Variants in FAP observed in about 807,000 individuals in gnomAD.
FAP encodes the protein fibroblast activation protein alpha, also known as prolyl endopeptidase FAP.
FAP carries 110 observed loss-of-function variants against 126.5 expected under a neutral mutation model. That is an observed-to-expected ratio of 0.87 (90% CI 0.74 to 1.02). FAP has a LOEUF of 1.02. Among genes scored for constraint, FAP ranks in the 50% least tolerant of loss-of-function variants. The probability of loss-of-function intolerance (pLI) is 0.00; values close to 1 mark genes in which losing one functional copy is unlikely to be tolerated. For missense variants in FAP, 919 were observed against 909.2 expected (o/e 1.01, Z -0.14); for synonymous variants, 334 against 297.3 (o/e 1.12, Z -1.27).
chr2:162,215,288 G>C (rs1689119412), intron 10 of FAP, among the ~76,000 whole-genome samples: 1 of 152,124 alleles, frequency 6.6e-6, no homozygotes, highest in Admixed American at 6.5e-5. Flanking sequence ...CAACAGGCAG[G>C]GCCTGGGCAC....
Position 162,173,705 on chromosome 2 carries a change from T to C in FAP, c.2034+18A>G. The C allele has an allele frequency of 6.6e-7, 1 of 1,521,616 alleles. No individual in the cohort carries two copies. The highest frequency in any genetic ancestry group is 1.4e-5 in the African/African-American group (1 of 73,082). The allele number at this position is 1,521,616 out of a possible 1,614,324, so 94.3% of individuals were successfully genotyped here. On this transcript the variant is annotated intron_variant, in intron 23 of 25. Transcript: ENST00000188790. ...ATTAGAAATTAATTATTAACCTAAA[T>C]AAAATGGAAACACTTACCTTATAGT...
chr2:162,175,869 A>G (rs1417328233), intron 21 of FAP: 1 of 152,130 alleles, frequency 6.6e-6, no homozygotes, highest in Non-Finnish European at 1.5e-5. Flanking sequence ...ATGCTGTGAG[A>G]GAGGTGCTTC....
chr2:162,239,307 G>GA (rs1394232190), intron 2 of FAP, among the ~76,000 whole-genome samples: 1 of 151,896 alleles, frequency 6.6e-6, no homozygotes, highest in Non-Finnish European at 1.5e-5. Flanking sequence ...GACGTTCTGG[G>GA]ATTACAGCCA....
intron 3 of FAP, among the ~76,000 whole-genome samples, chr2:162,225,967 A>G (rs1004566183): frequency 7.2e-5 from 11 of 152,182 alleles, no homozygotes; most frequent in African/African-American, 2.7e-4. Context: ...TTATTTTCTA[A>G]AGAGAAAAAA....
intron 2 of FAP, among the ~76,000 whole-genome samples, chr2:162,237,620 G>A (rs1690191289): frequency 6.6e-6 from 1 of 152,174 alleles, no homozygotes; most frequent in South Asian, 2.1e-4. Context: ...ATTTGGGTTG[G>A]TTCCAAGTTT....
intron 12 of FAP, among the ~76,000 whole-genome samples, chr2:162,209,128 CT>C (rs1178866700): frequency 2.0e-5 from 3 of 151,598 alleles, no homozygotes; most frequent in Non-Finnish European, 4.4e-5. Context: ...CGATTTCTGA[CT>C]TTTTTTTGTC....
At position 162,224,718 on chromosome 2, in the gene FAP, A is replaced by G. The variant is rs116451391; in HGVS notation, c.286-178T>C. Among the ~76,000 whole-genome samples, 932 of 152,282 alleles carry G rather than the reference A, an allele frequency of 6.1e-3. 8 individuals are homozygous for G. Among genetic ancestry groups the G allele is most frequent in the African/African-American group, 0.021 (878 of 41,568 alleles). On this transcript the variant is annotated intron_variant, in intron 4 of 25. Coordinates refer to ENST00000188790, the MANE Select transcript of FAP (RefSeq NM_004460.5). ...AATTCAAAGAAATTTACTAGATACT[A>G]TGGGAGAAGGATGCAAGAGATAATA...
At chr2:162,190,395 TACAC>T (rs561098256) in intron 17 of FAP, among the ~76,000 whole-genome samples, 4 of 150,296 alleles carry the variant, frequency 2.7e-5, no homozygotes, top group African/African-American at 9.7e-5. Context: ...ATATTGTGTA[TACAC>T]ACACACACAC....
In FAP at chr2:162,175,091, A is replaced by G. The variant is rs558420262; in HGVS notation, c.1870-125T>C. On this transcript the variant is annotated intron_variant, in intron 21 of 25. Coordinates refer to ENST00000188790, the MANE Select transcript of FAP (RefSeq NM_004460.5). Reference sequence around the variant, plus strand: ...TGGAGAATATGGCTAAGGGTGGATTACATGTCTATCTTGCATCCTCGGCAG... The same window carrying G: ...TGGAGAATATGGCTAAGGGTGGATTGCATGTCTATCTTGCATCCTCGGCAG... 2.8e-4 allele frequency: 174 copies of G among 626,416 alleles called. 2 individuals are homozygous for G. In the South Asian group the frequency reaches 3.3e-3, roughly 12 times the overall value. 38.8% of individuals were successfully genotyped at this position (626,416 alleles called of 1,614,324 possible).
At chr2:162,214,403 G>T (rs556321550) in intron 10 of FAP, among the ~76,000 whole-genome samples, 6 of 151,926 alleles carry the variant, frequency 3.9e-5, no homozygotes, top group Non-Finnish European at 8.8e-5. Context: ...CATTAAACTT[G>T]CATTTTGCAC....
chr2:162,219,580 A>G (rs1448477170), intron 7 of FAP, among the ~76,000 whole-genome samples: 1 of 152,044 alleles, frequency 6.6e-6, no homozygotes, highest in Non-Finnish European at 1.5e-5. Flanking sequence ...TGAAAACCAT[A>G]TTTTTCCTGA....
intron 21 of FAP, among the ~76,000 whole-genome samples, chr2:162,179,790 C>CTA (rs10657426): frequency 2.2e-3 from 255 of 115,490 alleles, no homozygotes; most frequent in African/African-American, 4.8e-3. Context: ...ATCTATCTAT[C>CTA]TATATATATA....
chr2:162,219,374 C>CTGAA (rs1409371267), intron 7 of FAP, among the ~76,000 whole-genome samples, 191 bp from the exon 8 acceptor site: 1 of 152,096 alleles, frequency 6.6e-6, no homozygotes, highest in East Asian at 1.9e-4. Flanking sequence ...ATTTTAAAGT[C>CTGAA]TGAATCAAAT....
chr2:162,232,948 C>T (rs1165378618), intron 2 of FAP, among the ~76,000 whole-genome samples: 1 of 152,088 alleles, frequency 6.6e-6, no homozygotes, highest in Non-Finnish European at 1.5e-5. Context: ...CTCTACTTGA[C>T]ATTTTGGCAT....
intron 2 of FAP, among the ~76,000 whole-genome samples, chr2:162,235,688 A>G (rs189050948): frequency 1.2e-4 from 19 of 152,296 alleles, no homozygotes; most frequent in African/African-American, 4.6e-4. Flanking sequence ...GGGGCCAGAT[A>G]AGAGAATAAA....
At position 162,202,868 on chromosome 2, in the gene FAP, T is replaced by C; in HGVS notation, c.1223+4A>G. Reference sequence around the variant, plus strand: ...TGGTGCATCGTGCTTCGTGCAATACTTACAGTGAATCCTGTGTTACTCTGA... The same window carrying C: ...TGGTGCATCGTGCTTCGTGCAATACCTACAGTGAATCCTGTGTTACTCTGA... On this transcript the variant is annotated splice_donor_region_variant and intron_variant, in intron 14 of 25. Coordinates refer to ENST00000188790, the MANE Select transcript of FAP (RefSeq NM_004460.5). 1 of 1,611,572 alleles carries C rather than the reference T, an allele frequency of 6.2e-7. No individual in the cohort carries two copies. The highest frequency in any genetic ancestry group is 1.1e-5 in the South Asian group (1 of 91,006).
intron 14 of FAP, among the ~76,000 whole-genome samples, chr2:162,202,459 A>C (rs1021104803): frequency 6.6e-6 from 1 of 152,232 alleles, no homozygotes; most frequent in Non-Finnish European, 1.5e-5. Context: ...ATTGCTCCAT[A>C]AATGACAGTT....
chr2:162,216,035 A>T, intron 9 of FAP, 34 bp from the exon 10 acceptor site: 1 of 1,466,976 alleles, frequency 6.8e-7, no homozygotes, highest in Non-Finnish European at 9.5e-7. Context: ...AAGCTCATAA[A>T]ATTCCAATTA....
At chr2:162,217,055 T>C (rs896132162) in intron 9 of FAP, among the ~76,000 whole-genome samples, 1 of 152,212 alleles carries the variant, frequency 6.6e-6, no homozygotes, top group African/African-American at 2.4e-5. Flanking sequence ...CTCCAGCTTT[T>C]AGAGTTTTTA....
Sources: allele counts gnomAD v4.1 joint callset (sites outside exome capture counted in the v4.1 genomes callset), GRCh38; gene constraint gnomAD v4.1.1; transcripts MANE v1.5; gene names NCBI Gene and HGNC (gene_info 2026-07-23, HGNC 2026-07-21).